CEP126: variants seen among roughly 807,000 people sequenced by gnomAD.
The protein encoded by CEP126 is centrosomal protein 126.
In CEP126, 74 loss-of-function variants were observed where a neutral mutation model predicts 107.8. That is an observed-to-expected ratio of 0.69 (90% confidence interval 0.57 to 0.83). The LOEUF (loss-of-function observed/expected upper bound fraction) is 0.83. Among genes scored for constraint, CEP126 ranks in the 40% least tolerant of loss-of-function variants. The probability of loss-of-function intolerance (pLI) is 0.00; values close to 1 mark genes in which losing one functional copy is unlikely to be tolerated. For synonymous variants in CEP126, 449 were observed against 446.0 expected (o/e 1.01, Z -0.08); for missense variants, 1,237 against 1,281.9 (o/e 0.96, Z 0.53).
intron 6 of CEP126, among the ~76,000 whole-genome samples, chr11:101,964,579 G>A (rs1476318854): frequency 1.3e-5 from 2 of 151,664 alleles, no homozygotes; most frequent in African/African-American, 2.4e-5. Flanking sequence ...GGAGGTTTCA[G>A]TGAGCCAAGG....
chr11:101,919,233 G>A (rs1940284171), intron 1 of CEP126, among the ~76,000 whole-genome samples: 1 of 152,090 alleles, frequency 6.6e-6, no homozygotes. Context: ...GAGGAAGAAG[G>A]TACAGTAGAG....
At chr11:101,965,925 T>C (rs1016806590) in intron 6 of CEP126, among the ~76,000 whole-genome samples, 2 of 152,136 alleles carry the variant, frequency 1.3e-5, no homozygotes, top group African/African-American at 4.8e-5. Flanking sequence ...AAATATCATA[T>C]ATCACACTCT....
In CEP126 at chr11:101,962,514, G is replaced by A. The variant is rs1187647367; in HGVS notation, c.1479G>A (p.Lys493=). Residue 493 remains lysine, a synonymous_variant, in exon 6 of 11, where the codon AAG becomes AAA. Transcript: ENST00000263468. ...KEIDAVQCSD[K]LDELKDGKEE... ...TTGATGCAGTGCAGTGTTCTGATAAGTTAGATGAATTGAAAGATGGTAAAG... is the reference window on the plus strand; with the variant it reads ...TTGATGCAGTGCAGTGTTCTGATAAATTAGATGAATTGAAAGATGGTAAAG... 2 of 1,613,100 alleles carry A rather than the reference G, an allele frequency of 1.2e-6. No individual in the cohort carries two copies. Among genetic ancestry groups the A allele is most frequent in the East Asian group, 2.2e-5 (1 of 44,860 alleles).
intron 2 of CEP126, among the ~76,000 whole-genome samples, chr11:101,929,977 T>C (rs548835113): frequency 3.3e-4 from 50 of 150,150 alleles, no homozygotes; most frequent in Non-Finnish European, 5.5e-4. Flanking sequence ...GTTAGGACTT[T>C]TTTTTTTTTT....
At chr11:101,943,987 T>G (rs1009613017) in intron 2 of CEP126, among the ~76,000 whole-genome samples, 1 of 152,126 alleles carries the variant, frequency 6.6e-6, no homozygotes, top group Non-Finnish European at 1.5e-5. Flanking sequence ...CAGCACAGTT[T>G]GCGAGGTGGG....
At chr11:101,982,404 A>G (rs1275441325) in intron 8 of CEP126, among the ~76,000 whole-genome samples, 1 of 152,210 alleles carries the variant, frequency 6.6e-6, no homozygotes, top group East Asian at 1.9e-4. Flanking sequence ...GTGTATGTCA[A>G]CTTGAGGTAG....
intron 7 of CEP126, among the ~76,000 whole-genome samples, chr11:101,980,527 T>C (rs1462592469): frequency 6.6e-6 from 1 of 152,204 alleles, no homozygotes; most frequent in Non-Finnish European, 1.5e-5. Context: ...TCCCTTCCAC[T>C]TTCACATACA....
At chr11:101,928,038 T>C (rs963574600) in intron 2 of CEP126, among the ~76,000 whole-genome samples, 7 of 152,190 alleles carry the variant, frequency 4.6e-5, no homozygotes, top group Admixed American at 3.9e-4. Context: ...TTTGGTATTG[T>C]CACTATTTTT....
At chr11:101,945,636 G>C (rs2137097235) in intron 3 of CEP126, among the ~76,000 whole-genome samples, 1 of 152,294 alleles carries the variant, frequency 6.6e-6, no homozygotes, top group Admixed American at 6.5e-5. Flanking sequence ...CTGGTTTGAT[G>C]ATTATACTGA....
chr11:101,948,075 A>G lies in CEP126; in HGVS notation c.439A>G (p.Ile147Val), dbSNP rs551746479. 15 of 1,612,148 alleles carry G rather than the reference A, an allele frequency of 9.3e-6. No homozygotes were observed. Among genetic ancestry groups the G allele is most frequent in the Middle Eastern group, 1.7e-4 (1 of 6,052 alleles). ...TCCATTAGAAGAGGCCCTCAAACAA[A>G]TTCAGGAATCCAACTTAAAATCAGA... is the stretch of plus-strand genomic sequence containing the variant. ...VPPLEEALKQ[I>V]QESNLKSEVN... Residue 147 changes from isoleucine to valine, a missense_variant, in exon 4 of 11, where the codon ATT becomes GTT. Physicochemically the swap from Ile to Val is conservative, Grantham distance 29 (BLOSUM62 3). Coordinates refer to ENST00000263468, the MANE Select transcript of CEP126 (RefSeq NM_020802.4).
chr11:101,956,628 C>T (rs1163299710), intron 4 of CEP126: 1 of 456,192 alleles, frequency 2.2e-6, no homozygotes, highest in Non-Finnish European at 4.4e-6. Flanking sequence ...ACTTCCTGTT[C>T]TACTTCTCCA....
Position 101,999,878 on chromosome 11 carries a change from T to G in CEP126, c.*2235T>G, listed in dbSNP as rs1217335848. 1 of 152,278 alleles carries G rather than the reference T, an allele frequency of 6.6e-6. No individual in the cohort carries two copies. The highest frequency in any genetic ancestry group is 1.5e-5 in the Non-Finnish European group (1 of 68,184). The allele number at this position is 152,278 out of a possible 1,614,324, so 9.4% of individuals were successfully genotyped here. A position where few individuals can be genotyped will look rare whatever the true frequency, so the allele number is the denominator to read the frequency against. On this transcript the variant is annotated 3_prime_UTR_variant, in exon 11 of 11. Transcript: ENST00000263468. ...CTGGGCAATGTAGCAAGACCCCATC[T>G]CTATATAAAATATAAAAATGTTGGC...
chr11:101,935,032 G>C (rs1940555947), intron 2 of CEP126, among the ~76,000 whole-genome samples: 1 of 152,006 alleles, frequency 6.6e-6, no homozygotes, highest in South Asian at 2.1e-4. Flanking sequence ...GTGCATGTGA[G>C]TCCCAGTGGC....
Position 101,981,922 on chromosome 11 carries a change from G to C in CEP126, c.2992G>C (p.Glu998Gln). ...FGQSVLLSSS[E>Q]PKQTTRGTSY... ...ACAAAGTGTCCTGCTAAGTTCAAGT[G>C]AGCCAAAACAAACTACAAGGGGTAC... The change falls in exon 8 of 11, where the codon GAG becomes CAG. Residue 998 changes from glutamate to glutamine, a missense_variant. Transcript: ENST00000263468. 1.3e-6 allele frequency: 2 copies of C among 1,593,064 alleles called. No individual in the cohort carries two copies. Among genetic ancestry groups the C allele is most frequent in the East Asian group, 2.2e-5 (1 of 44,472 alleles).
chr11:101,980,457 T>C (rs956704582), intron 7 of CEP126, among the ~76,000 whole-genome samples: 3 of 152,230 alleles, frequency 2.0e-5, no homozygotes, highest in Non-Finnish European at 4.4e-5. Context: ...TATTTTTCTG[T>C]CTCTTGCTCT....
chr11:101,941,229 A>G (rs956771862), intron 2 of CEP126, among the ~76,000 whole-genome samples: 4 of 152,118 alleles, frequency 2.6e-5, no homozygotes, highest in African/African-American at 9.7e-5. Context: ...GGTAACCATC[A>G]TCATTATCTG....
rs1464534512 is a variant in CEP126, at chr11:101,932,846, C to G, written c.248+10086C>G. On this transcript the variant is annotated intron_variant, in intron 2 of 10. Coordinates refer to ENST00000263468, the MANE Select transcript of CEP126 (RefSeq NM_020802.4). ...TGTTTACTTGGTTTTGTTAGCTTGC[C>G]TCACTAAATAATAAATACCTGCCTG... is the stretch of plus-strand genomic sequence containing the variant. Among the ~76,000 whole-genome samples the G allele has an allele frequency of 6.1e-4, 93 of 152,062 alleles. 1 individual carries two copies. Among genetic ancestry groups the G allele is most frequent in the Admixed American group, 6.0e-3 (91 of 15,258 alleles).
intron 7 of CEP126, among the ~76,000 whole-genome samples, chr11:101,979,174 A>G (rs1941227403): frequency 6.6e-6 from 1 of 152,076 alleles, no homozygotes; most frequent in Non-Finnish European, 1.5e-5. Context: ...AGACAACTAT[A>G]GTTTCATGTG....
At chr11:101,991,364 C>T (rs1446627275) in intron 9 of CEP126, among the ~76,000 whole-genome samples, 2 of 151,732 alleles carry the variant, frequency 1.3e-5, no homozygotes, top group South Asian at 2.1e-4. Flanking sequence ...ATCCAGCATT[C>T]GTCAAAAATT....
Sources: gnomAD v4.1 joint callset for allele counts (sites outside exome capture counted in the v4.1 genomes callset) on GRCh38, gnomAD v4.1.1 for gene constraint, MANE v1.5 for transcripts, NCBI Gene and HGNC (gene_info 2026-07-23, HGNC 2026-07-21) for gene names.